Variants in DCAF15 observed in about 807,000 individuals in gnomAD.
DCAF15 encodes the protein DDB1 and CUL4 associated factor 15.
Under a neutral mutation model 68.0 loss-of-function variants are expected in DCAF15, and 24 were observed. The observed-to-expected ratio is 0.35, with a 90% CI of 0.26 to 0.50. The LOEUF is 0.50. Among genes scored for constraint, DCAF15 ranks in the 20% least tolerant of loss-of-function variants. The pLI is 0.98. For missense variants in DCAF15, 627 were observed against 830.6 expected, an observed-to-expected ratio of 0.75 and a Z score of 3.01; for synonymous variants, 376 against 341.6, an observed-to-expected ratio of 1.10 and a Z score of -1.11.
intron 6 of DCAF15, among the ~76,000 whole-genome samples, chr19:13,958,394 C>T (rs1466314192): frequency 1.3e-5 from 2 of 152,090 alleles, no homozygotes; most frequent in South Asian, 4.1e-4. Flanking sequence ...TGACCTTGGG[C>T]ATGTTTATCC....
chr19:13,956,350 A>G lies in DCAF15; in HGVS notation c.614-2A>G. On this transcript the variant is annotated splice_acceptor_variant, in intron 5 of 12. Coordinates refer to ENST00000254337, the MANE Select transcript of DCAF15 (RefSeq NM_138353.4). LOFTEE classifies it high-confidence loss of function. Reference sequence around the variant, plus strand: ...GAGCTGCTGTGGCGTGTGTTGCTACAGGAGACCCGAATGCACAGTGCCTAC... The same window carrying G: ...GAGCTGCTGTGGCGTGTGTTGCTACGGGAGACCCGAATGCACAGTGCCTAC... 3.1e-6 allele frequency: 5 copies of G among 1,613,556 alleles called. No individual in the cohort carries two copies. Among genetic ancestry groups the G allele is most frequent in the Non-Finnish European group, 4.2e-6 (5 of 1,179,936 alleles).
chr19:13,956,302 C>G (rs370982642), intron 5 of DCAF15, 40 bp downstream of exon 5: 1 of 1,611,446 alleles, frequency 6.2e-7, no homozygotes, highest in Non-Finnish European at 8.5e-7. Context: ...TCCCCCCTCC[C>G]CCCCTTGCTC....
rs1973608505 is a variant in DCAF15 at position 13,960,972 on chromosome 19, C to A, written c.1780C>A (p.Arg594=). 8 of 1,613,780 alleles carry A rather than the reference C, an allele frequency of 5.0e-6. No homozygotes were observed. Among genetic ancestry groups the A allele is most frequent in the Non-Finnish European group, 6.8e-6 (8 of 1,180,010 alleles). The change falls in exon 13 of 13, where the codon CGA becomes AGA. Residue 594 remains arginine, a synonymous_variant. Transcript: ENST00000254337. ...CSLKVLADSE[R]YTWIVL is the part of the protein sequence containing the mutation. ...CCTGAAGGTTCTGGCGGACAGCGAGCGATATACGTGGATCGTGCTGTGAGG... is the reference window on the plus strand; with the variant it reads ...CCTGAAGGTTCTGGCGGACAGCGAGAGATATACGTGGATCGTGCTGTGAGG...
chr19:13,959,201 C>G lies in DCAF15; in HGVS notation c.941C>G (p.Ser314Trp). ...PARSSGSPEP[S>W]PAIAKAKEFV... is the part of the protein sequence containing the mutation. The stretch of plus-strand genomic sequence containing the variant: ...CGTTCTTCTGGGTCTCCTGAGCCCT[C>G]GCCCGCCATTGCCAAAGCCAAGGAG... Residue 314 changes from serine (S) to tryptophan (W), a missense_variant, in exon 7 of 13, where the codon TCG becomes TGG. By Grantham distance (177) the Ser-to-Trp change is radical (BLOSUM62 -3). Transcript: ENST00000254337. 1 of 1,612,762 alleles carries G rather than the reference C, an allele frequency of 6.2e-7. No homozygotes were observed. Among genetic ancestry groups the G allele is most frequent in the Non-Finnish European group, 8.5e-7 (1 of 1,179,904 alleles).
chr19:13,959,109 C>A lies in DCAF15; in HGVS notation c.849C>A (p.Pro283=). The A allele has an allele frequency of 6.2e-7, 1 of 1,612,634 alleles. No individual in the cohort carries two copies. The change falls in exon 7 of 13, where the codon CCC becomes CCA. Residue 283 remains proline, a synonymous_variant. Transcript: ENST00000254337. ...HSTCPLAPAS[P]PEPQSPELPP... ...CCTGCCCCCTGGCGCCTGCCAGCCC[C>A]CCTGAGCCCCAGAGCCCAGAGCTGC...
At position 13,961,091 on chromosome 19, in the gene DCAF15, G is replaced by A. The variant is rs1389196788; in HGVS notation, c.*96G>A. 33 of 1,444,050 alleles carry A rather than the reference G, an allele frequency of 2.3e-5. No homozygotes were observed. The highest frequency in any genetic ancestry group is 7.0e-5 in the East Asian group (3 of 42,810). The allele number at this position is 1,444,050 out of a possible 1,614,324, so 89.5% of individuals were successfully genotyped here. On this transcript the variant is annotated 3_prime_UTR_variant, in exon 13 of 13. Coordinates refer to ENST00000254337, the MANE Select transcript of DCAF15 (RefSeq NM_138353.4). ...CCTCTTCCTGGCCGGCTGGCCCACC[G>A]ACTGATGACCGGCACTAGTGTTAGC... is the stretch of plus-strand genomic sequence containing the variant.
Position 13,959,140 on chromosome 19 carries a change from G to C in DCAF15, c.880G>C (p.Ala294Pro). ...PEPQSPELPP[A>P]LPSFCPEAAP... is the part of the protein sequence containing the mutation. ...GCCCCAGAGCCCAGAGCTGCCCCCT[G>C]CCCTCCCCAGCTTCTGCCCTGAGGC... The change falls in exon 7 of 13, where the codon GCC (alanine) becomes CCC (proline). Residue 294 changes from alanine (A) to proline (P), a missense_variant. This residue lies in a region of DCAF15 where 236 missense variants were observed against 225.1 expected (regional missense o/e 1.05). Coordinates refer to ENST00000254337, the MANE Select transcript of DCAF15 (RefSeq NM_138353.4). 6.2e-7 allele frequency: 1 copy of C among 1,612,494 alleles called. No individual in the cohort carries two copies. The highest frequency in any genetic ancestry group is 8.5e-7 in the Non-Finnish European group (1 of 1,179,828).
chr19:13,957,911 C>G (rs1973434885), intron 6 of DCAF15, among the ~76,000 whole-genome samples: 1 of 152,044 alleles, frequency 6.6e-6, no homozygotes, highest in African/African-American at 2.4e-5. Context: ...TTTAATTTTG[C>G]AAGAACTCAG....
Position 13,961,222 on chromosome 19 carries a change from G to A in DCAF15, c.*227G>A. The stretch of plus-strand genomic sequence containing the variant: ...AAGGGGCAGAGAGAGGGCGCCCCCT[G>A]CCCCACCAGCCTGAGTGCCCCGCCT... On this transcript the variant is annotated 3_prime_UTR_variant, in exon 13 of 13. Coordinates refer to ENST00000254337, the MANE Select transcript of DCAF15 (RefSeq NM_138353.4). The A allele has an allele frequency of 1.7e-6, 1 of 592,396 alleles. No individual in the cohort carries two copies. The highest frequency in any genetic ancestry group is 2.0e-5 in the South Asian group (1 of 51,236). The allele number at this position is 592,396 out of a possible 1,614,324, so 36.7% of individuals were successfully genotyped here.
intron 6 of DCAF15, among the ~76,000 whole-genome samples, chr19:13,957,086 C>T (rs1973393903): frequency 6.6e-6 from 1 of 152,222 alleles, no homozygotes; most frequent in Admixed American, 6.5e-5. Context: ...TTGTTTTAAG[C>T]TGAAATAGCT....
chr19:13,952,651 C>T lies in DCAF15; in HGVS notation c.132+7C>T, dbSNP rs140944556. On this transcript the variant is annotated splice_region_variant and intron_variant, in intron 1 of 12. Transcript: ENST00000254337. ...GCAGCTGGAGCGGGTCAAGGTGAGG[C>T]CTGGAGCCGGAGTGGGGAGCGCGCC... 628 of 1,291,218 alleles carry T rather than the reference C, an allele frequency of 4.9e-4. 2 individuals carry two copies. The African/African-American group carries it at 8.7e-3, about 18-fold the overall frequency. 80.0% of individuals were successfully genotyped at this position (1,291,218 alleles called of 1,614,324 possible).
intron 3 of DCAF15, among the ~76,000 whole-genome samples, chr19:13,955,248 C>T (rs1054463387): frequency 6.6e-6 from 1 of 152,028 alleles, no homozygotes; most frequent in Non-Finnish European, 1.5e-5. Flanking sequence ...TGGTGAAACC[C>T]CATCTCTACT....
At chr19:13,955,885 G>GGT in intron 3 of DCAF15, 27 bp from the exon 4 acceptor site, 1 of 1,611,408 alleles carries the variant, frequency 6.2e-7, no homozygotes, top group Middle Eastern at 1.7e-4. Context: ...TCCCTGACCC[G>GGT]GTGCTGCCCC....
chr19:13,955,446 G>A (rs1326476338), intron 3 of DCAF15, among the ~76,000 whole-genome samples: 1 of 152,144 alleles, frequency 6.6e-6, no homozygotes, highest in East Asian at 1.9e-4. Context: ...CATTTTTATG[G>A]TTCAAAATGG....
At chr19:13,956,624 T>A in intron 6 of DCAF15, 102 bp downstream of exon 6, 1 of 1,328,826 alleles carries the variant, frequency 7.5e-7, no homozygotes, top group Non-Finnish European at 1.0e-6. Context: ...AGGTGGGAGC[T>A]ACTTCCCCAA....
At chr19:13,955,204 T>G (rs986140868) in intron 3 of DCAF15, among the ~76,000 whole-genome samples, 1 of 152,196 alleles carries the variant, frequency 6.6e-6, no homozygotes, top group African/African-American at 2.4e-5. Flanking sequence ...GTGGATCACC[T>G]GAGGTCAGGA....
In DCAF15 at chr19:13,955,031, A is replaced by T. The variant is rs112117495; in HGVS notation, c.366+370A>T. Among the ~76,000 whole-genome samples the T allele has an allele frequency of 9.5e-3, 1,448 of 151,812 alleles. 27 individuals carry two copies. Among genetic ancestry groups the T allele is most frequent in the African/African-American group, 0.033 (1,368 of 41,364 alleles). On this transcript the variant is annotated intron_variant, in intron 3 of 12. Coordinates refer to ENST00000254337, the MANE Select transcript of DCAF15 (RefSeq NM_138353.4). Reference sequence around the variant, plus strand: ...TGAGGCAGGAGGATCACCTGAGCCCAAGAGTTTGAGGCTGCAGTGAGCCAT... The same window carrying T: ...TGAGGCAGGAGGATCACCTGAGCCCTAGAGTTTGAGGCTGCAGTGAGCCAT...
At chr19:13,954,794 G>T in intron 3 of DCAF15, 133 bp downstream of exon 3, 1 of 999,372 alleles carries the variant, frequency 1.0e-6, no homozygotes, top group Non-Finnish European at 1.5e-6. Flanking sequence ...AAGATTCCAT[G>T]TGTTAGATCC....
rs749048995 is a variant in DCAF15, at chr19:13,955,947, C to T, written c.402C>T (p.Ile134=). Residue 134 remains isoleucine, a synonymous_variant, in exon 4 of 13, where the codon ATC becomes ATT. Transcript: ENST00000254337. ...TTCGGCTATTCCAGGACGAGGAGATCTACAGCGACCTGTACCTGACCGTAT... is the reference window on the plus strand; with the variant it reads ...TTCGGCTATTCCAGGACGAGGAGATTTACAGCGACCTGTACCTGACCGTAT... ...RQVRLFQDEE[I]YSDLYLTVCE... The T allele has an allele frequency of 6.2e-7, 1 of 1,613,872 alleles. No individual in the cohort carries two copies. The highest frequency in any genetic ancestry group is 8.5e-7 in the Non-Finnish European group (1 of 1,180,020).
Sources: allele counts gnomAD v4.1 joint callset (sites outside exome capture counted in the v4.1 genomes callset), GRCh38; gene constraint gnomAD v4.1.1; regional missense constraint gnomAD v4.1.1; transcripts MANE v1.5; gene names NCBI Gene and HGNC (gene_info 2026-07-23, HGNC 2026-07-21).